The following RAD50 variants were observed in gnomAD, a reference collection of about 807,000 sequenced individuals.
RAD50 encodes the protein RAD50 double strand break repair protein.
Under a neutral mutation model 168.8 loss-of-function variants are expected in RAD50, and 132 were observed. The observed-to-expected ratio is 0.78, with a 90% CI of 0.68 to 0.90. The LOEUF (loss-of-function observed/expected upper bound fraction) is 0.90, where lower values mean the gene tolerates loss of function less well. Among genes scored for constraint, RAD50 ranks in the 40% least tolerant of loss-of-function variants. RAD50 has a pLI of 0.00. For synonymous variants in RAD50, 525 were observed against 497.4 expected (o/e 1.06, Z -0.74); for missense variants, 1,347 against 1,534.4 (o/e 0.88, Z 2.04).
chr5:132,607,875 T>C (rs1468155607), intron 16 of RAD50, among the ~76,000 whole-genome samples: 1 of 152,212 alleles, frequency 6.6e-6, no homozygotes, highest in Admixed American at 6.5e-5. Context: ...TGTATCTACC[T>C]CTATAGATTC....
intron 2 of RAD50, among the ~76,000 whole-genome samples, chr5:132,565,817 T>TC (rs1318312761): frequency 6.6e-6 from 1 of 152,132 alleles, no homozygotes; most frequent in Non-Finnish European, 1.5e-5. Flanking sequence ...CTGAGCTGGA[T>TC]CCCCCCTATT....
chr5:132,599,879 A>C (rs1473712677), intron 13 of RAD50, among the ~76,000 whole-genome samples: 1 of 152,192 alleles, frequency 6.6e-6, no homozygotes, highest in African/African-American at 2.4e-5. Context: ...ATTGATTTAC[A>C]TGATCATTAA....
chr5:132,621,348 T>A (rs1751280620), intron 21 of RAD50, among the ~76,000 whole-genome samples: 1 of 152,224 alleles, frequency 6.6e-6, no homozygotes, highest in Non-Finnish European at 1.5e-5. Context: ...TTTTCCTGAA[T>A]ACTAATTATC....
chr5:132,591,882 CA>C lies in RAD50; in HGVS notation c.1644del (p.Asp549MetfsTer7). 6.3e-7 allele frequency: 1 copy of C among 1,599,226 alleles called. No individual in the cohort carries two copies. The highest frequency in any genetic ancestry group is 8.6e-7 in the Non-Finnish European group (1 of 1,168,534). On this transcript the variant is annotated frameshift_variant, in exon 11 of 25. Transcript: ENST00000378823. LOFTEE classifies it high-confidence loss of function. Reference sequence around the variant, plus strand: ...GATTTTTTTTTTACCTATAGGCTGACAAAGATGAACAAATCAGAAAAATAAA... The same window carrying C: ...GATTTTTTTTTTACCTATAGGCTGACAAGATGAACAAATCAGAAAAATAAA... ...MEMLTKDKAD[K>X]DEQIRKIKSR...
chr5:132,631,296 T>G (rs12332204), intron 21 of RAD50, among the ~76,000 whole-genome samples: 39,403 of 151,632 alleles, frequency 0.26, 5,639 homozygotes, highest in African/African-American at 0.38. Flanking sequence ...ATTTTTGTAT[T>G]TTTAGTAGAG....
chr5:132,623,021 C>G (rs1230404437), intron 21 of RAD50, among the ~76,000 whole-genome samples: 1 of 152,146 alleles, frequency 6.6e-6, no homozygotes, highest in Non-Finnish European at 1.5e-5. Context: ...ATTTTCAACT[C>G]ATTAATTTTC....
At chr5:132,560,316 G>A (rs985020740) in intron 2 of RAD50, among the ~76,000 whole-genome samples, 1 of 151,960 alleles carries the variant, frequency 6.6e-6, no homozygotes, top group African/African-American at 2.4e-5. Flanking sequence ...TTTATATCCT[G>A]TAGTTTATTA....
chr5:132,604,621 G>A (rs1197120652), intron 15 of RAD50, among the ~76,000 whole-genome samples, 185 bp from the exon 16 acceptor site: 1 of 152,058 alleles, frequency 6.6e-6, no homozygotes, highest in African/African-American at 2.4e-5. Context: ...CCTGTGAGTG[G>A]CCAGCAGGGA....
chr5:132,560,071 C>T (rs1750097812), intron 2 of RAD50, among the ~76,000 whole-genome samples: 1 of 150,540 alleles, frequency 6.6e-6, no homozygotes, highest in East Asian at 1.9e-4. Context: ...CACACACACA[C>T]ACACACATAT....
At position 132,589,781 on chromosome 5, in the gene RAD50, C is replaced by A; in HGVS notation, c.1396C>A (p.Gln466Lys). Residue 466 changes from glutamine to lysine, a missense_variant, in exon 9 of 25, where the codon CAG (glutamine) becomes AAG (lysine). Transcript: ENST00000378823. ...ELKNVKYELQ[Q>K]LEGSSDRILE... The stretch of plus-strand genomic sequence containing the variant: ...GAAAAATGTGAAGTATGAATTACAG[C>A]AGTTGGAAGGATCTTCAGACAGGAT... 2 of 1,613,700 alleles carry A rather than the reference C, an allele frequency of 1.2e-6. No individual in the cohort carries two copies. The highest frequency in any genetic ancestry group is 1.7e-6 in the Non-Finnish European group (2 of 1,179,834).
At chr5:132,620,315 C>G (rs1561652071) in intron 21 of RAD50, among the ~76,000 whole-genome samples, 1 of 152,124 alleles carries the variant, frequency 6.6e-6, no homozygotes, top group African/African-American at 2.4e-5. Flanking sequence ...TGTCTTGGCT[C>G]TATTTATTGT....
intron 5 of RAD50, among the ~76,000 whole-genome samples, chr5:132,584,332 C>T (rs1386548985): frequency 2.0e-5 from 3 of 152,180 alleles, no homozygotes; most frequent in African/African-American, 7.2e-5. Flanking sequence ...TGTTCATATC[C>T]TTCACCCACT....
rs552846176 is a variant in RAD50, at chr5:132,616,103, G to C, written c.3137G>C (p.Gly1046Ala). 2.5e-6 allele frequency: 4 copies of C among 1,612,962 alleles called. No homozygotes were observed. The highest frequency in any genetic ancestry group is 3.4e-6 in the Non-Finnish European group (4 of 1,179,384). Residue 1046 changes from glycine (G) to alanine (A), a missense_variant, in exon 20 of 25, where the codon GGT becomes GCT. By Grantham distance (60) the Gly-to-Ala change is moderately conservative. This residue lies in a region of RAD50 where 635 missense variants were observed against 739.2 expected (regional missense o/e 0.86). Transcript: ENST00000378823. ...AGAAAACAACATTTGAAGGAAATGG[G>C]TCAAATGCAGGTTTTGCAAATGAAA... ...EERKQHLKEMGQMQVLQMKSE... is the reference protein window; with the variant it reads ...EERKQHLKEMAQMQVLQMKSE...
At chr5:132,615,062 C>T (rs568208702) in intron 19 of RAD50, among the ~76,000 whole-genome samples, 3 of 152,288 alleles carry the variant, frequency 2.0e-5, no homozygotes, top group South Asian at 4.1e-4. Flanking sequence ...TTTGAGAAAT[C>T]CTTACTCCAA....
At chr5:132,609,981 T>A (rs983978407) in intron 19 of RAD50, among the ~76,000 whole-genome samples, 2 of 151,940 alleles carry the variant, frequency 1.3e-5, no homozygotes, top group Non-Finnish European at 2.9e-5. Context: ...TAAAGAAGTT[T>A]TTTATTCATA....
At chr5:132,619,037 G>A (rs1751228227) in intron 21 of RAD50, among the ~76,000 whole-genome samples, 1 of 152,036 alleles carries the variant, frequency 6.6e-6, no homozygotes, top group Non-Finnish European at 1.5e-5. Context: ...ATTTGGATTT[G>A]CTTTTGTTTA....
Position 132,565,294 on chromosome 5 carries a change from T to G in RAD50, c.213+5927T>G, listed in dbSNP as rs965294068. Among the ~76,000 whole-genome samples, 4 of 74,824 alleles carry G rather than the reference T, an allele frequency of 5.3e-5. No homozygotes were observed. In the East Asian group the frequency reaches 8.6e-4, roughly 16 times the overall value. The allele number at this position is 74,824 out of a possible 152,430, so 49.1% of individuals were successfully genotyped here. A position where few individuals can be genotyped will look rare whatever the true frequency, so the allele number is the denominator to read the frequency against. ...CATTATAAGTTACCCAGTTTCAGGT[T>G]TTTTTTTTATAGCAGTGCAAGAATG... On this transcript the variant is annotated intron_variant, in intron 2 of 24. Transcript: ENST00000378823.
rs2149842199 is a variant in RAD50, at chr5:132,591,290, C to A, written c.1519C>A (p.Leu507Ile). 1 of 1,613,106 alleles carries A rather than the reference C, an allele frequency of 6.2e-7. No individual in the cohort carries two copies. The highest frequency in any genetic ancestry group is 1.1e-5 in the South Asian group (1 of 91,048). Residue 507 changes from leucine (L) to isoleucine (I), a missense_variant, in exon 10 of 25, where the codon CTC becomes ATC. By Grantham distance (5) the Leu-to-Ile change is conservative (BLOSUM62 2). This residue lies in a region of RAD50 where 703 missense variants were observed against 767.7 expected (regional missense o/e 0.92). Transcript: ENST00000378823. ...AACCTTAAAAATGGAAGTAATAAGT[C>A]TCCAAAATGAAAAAGCAGACTTAGA... ...VETLKMEVISLQNEKADLDRT... is the reference protein window; with the variant it reads ...VETLKMEVISIQNEKADLDRT...
chr5:132,579,467 G>A lies in RAD50; in HGVS notation c.516G>A (p.Leu172=). 6.2e-7 allele frequency: 1 copy of A among 1,613,790 alleles called. No homozygotes were observed. The highest frequency in any genetic ancestry group is 8.5e-7 in the Non-Finnish European group (1 of 1,179,844). ...GGCCTTTAAGTGAAGGAAAGGCTTTGAAGCAAAAGTTTGATGAGATTTTTT... is the reference window on the plus strand; with the variant it reads ...GGCCTTTAAGTGAAGGAAAGGCTTTAAAGCAAAAGTTTGATGAGATTTTTT... ...SNWPLSEGKA[L]KQKFDEIFSA... The change falls in exon 4 of 25, where the codon TTG becomes TTA. Residue 172 remains leucine (L), a synonymous_variant. Transcript: ENST00000378823.
Sources: gnomAD v4.1 joint callset for allele counts (sites outside exome capture counted in the v4.1 genomes callset) on GRCh38, gnomAD v4.1.1 for gene constraint, gnomAD v4.1.1 regional missense constraint, MANE v1.5 for transcripts, NCBI Gene and HGNC (gene_info 2026-07-23, HGNC 2026-07-21) for gene names.